Variants in CNTN5 observed in about 807,000 individuals in gnomAD.
CNTN5 encodes the protein contactin 5.
CNTN5 carries 77 observed loss-of-function variants against 129.1 expected under a neutral mutation model. The observed-to-expected ratio is 0.60, with a 90% CI of 0.50 to 0.72. CNTN5 has a LOEUF of 0.72. Among genes scored for constraint, CNTN5 ranks in the 30% least tolerant of loss-of-function variants. The pLI is 0.00. For missense variants in CNTN5, 1,478 were observed against 1,328.8 expected (o/e 1.11, Z -1.75); for synonymous variants, 509 against 465.6 (o/e 1.09, Z -1.20).
At chr11:99,053,435 G>A (rs752517132) in intron 1 of CNTN5, among the ~76,000 whole-genome samples, 2 of 151,758 alleles carry the variant, frequency 1.3e-5, no homozygotes, top group Non-Finnish European at 2.9e-5. Flanking sequence ...TTCTTATTCT[G>A]TCTTTTCAAT....
chr11:99,633,007 C>T (rs1373013682), intron 3 of CNTN5, among the ~76,000 whole-genome samples: 1 of 151,714 alleles, frequency 6.6e-6, no homozygotes, highest in African/African-American at 2.4e-5. Context: ...AAAGATACAC[C>T]CTCTCCCTAA....
At chr11:99,342,762 T>G (rs1866580833) in intron 2 of CNTN5, among the ~76,000 whole-genome samples, 1 of 151,246 alleles carries the variant, frequency 6.6e-6, no homozygotes, top group African/African-American at 2.4e-5. Context: ...AGAAAGCAGA[T>G]GGATATTAGT....
At chr11:99,994,374 G>C (rs1177047402) in intron 8 of CNTN5, among the ~76,000 whole-genome samples, 1 of 151,888 alleles carries the variant, frequency 6.6e-6, no homozygotes, top group Non-Finnish European at 1.5e-5. Flanking sequence ...TATAAAAGTG[G>C]GTTCTACAAA....
intron 20 of CNTN5, among the ~76,000 whole-genome samples, chr11:100,304,133 C>T (rs115485129): frequency 0.01 from 1,535 of 151,666 alleles, 23 homozygotes; most frequent in African/African-American, 0.035. Context: ...TTCATGAACA[C>T]GGTAATGCTG....
chr11:100,243,844 C>T (rs1269420495), intron 16 of CNTN5, among the ~76,000 whole-genome samples: 1 of 152,106 alleles, frequency 6.6e-6, no homozygotes, highest in East Asian at 1.9e-4. Flanking sequence ...TCCAAATTAG[C>T]ATCTTCTCAC....
intron 1 of CNTN5, among the ~76,000 whole-genome samples, chr11:99,280,758 C>T (rs1318663187): frequency 9.9e-5 from 15 of 151,728 alleles, no homozygotes; most frequent in Non-Finnish European, 1.5e-5. Flanking sequence ...GTTGCAAGTA[C>T]ATAATCTAAA....
At position 99,658,796 on chromosome 11, in the gene CNTN5, G is replaced by A. The variant is rs145400771; in HGVS notation, c.55+102527G>A. On this transcript the variant is annotated intron_variant, in intron 3 of 24. Coordinates refer to ENST00000524871, the MANE Select transcript of CNTN5 (RefSeq NM_014361.4). The stretch of plus-strand genomic sequence containing the variant: ...CCAGCTACTAGGGAGGCTGAGGCAG[G>A]AGAATTGCTTGAACCCAGGAGGTGG... Among the ~76,000 whole-genome samples, 1,555 of 148,182 alleles carry A rather than the reference G, an allele frequency of 0.01. 76 individuals are homozygous for A. The East Asian group carries it at 0.17, about 16-fold the overall frequency.
rs111429239 is a variant in CNTN5 at position 99,454,672 on chromosome 11, T to C, written c.-70-101473T>C. Among the ~76,000 whole-genome samples, 181 of 152,272 alleles carry C rather than the reference T, an allele frequency of 1.2e-3. 1 individual carries two copies. The highest frequency in any genetic ancestry group is 4.2e-3 in the African/African-American group (173 of 41,560). ...AATTAAACCTCTTTCCTTTATAAAT[T>C]ACCCAGTCCCAGACAATTCTTTATA... On this transcript the variant is annotated intron_variant, in intron 2 of 24. Coordinates refer to ENST00000524871, the MANE Select transcript of CNTN5 (RefSeq NM_014361.4).
At chr11:99,821,719 C>T (rs759138965) in intron 4 of CNTN5, among the ~76,000 whole-genome samples, 1 of 151,984 alleles carries the variant, frequency 6.6e-6, no homozygotes, top group African/African-American at 2.4e-5. Flanking sequence ...CAGATAAAAC[C>T]CTCATTAAAA....
intron 4 of CNTN5, among the ~76,000 whole-genome samples, chr11:99,825,590 G>A (rs934657831): frequency 3.3e-5 from 5 of 151,966 alleles, no homozygotes; most frequent in Non-Finnish European, 7.4e-5. Flanking sequence ...ATATCACTGT[G>A]ACAAACTATC....
chr11:100,201,267 A>T (rs995341348), intron 15 of CNTN5, among the ~76,000 whole-genome samples: 2 of 151,972 alleles, frequency 1.3e-5, no homozygotes, highest in African/African-American at 4.8e-5. Flanking sequence ...CTGTAATTGT[A>T]CATTGAAGAG....
At chr11:100,270,802 G>A (rs1950393775) in intron 17 of CNTN5, among the ~76,000 whole-genome samples, 1 of 152,190 alleles carries the variant, frequency 6.6e-6, no homozygotes, top group African/African-American at 2.4e-5. Flanking sequence ...CCTTATCTGG[G>A]GCTGAGGGAT....
At chr11:99,770,729 A>G (rs541464286) in intron 3 of CNTN5, among the ~76,000 whole-genome samples, 10 of 152,054 alleles carry the variant, frequency 6.6e-5, no homozygotes, top group Non-Finnish European at 1.5e-4. Flanking sequence ...TTGTTTTCTT[A>G]CTATCCAAAG....
chr11:99,749,167 A>G (rs1944153541), intron 3 of CNTN5, among the ~76,000 whole-genome samples: 2 of 152,192 alleles, frequency 1.3e-5, no homozygotes, highest in Non-Finnish European at 2.9e-5. Flanking sequence ...AGTGTATACA[A>G]ACTTTGTTTC....
chr11:99,906,405 G>C (rs537912702), intron 6 of CNTN5, among the ~76,000 whole-genome samples: 2 of 152,100 alleles, frequency 1.3e-5, no homozygotes, highest in African/African-American at 4.8e-5. Context: ...TAATCATGTG[G>C]TTTTTGTCAC....
intron 3 of CNTN5, among the ~76,000 whole-genome samples, chr11:99,721,958 T>C (rs1051157675): frequency 3.9e-5 from 6 of 152,314 alleles, no homozygotes; most frequent in Admixed American, 2.0e-4. Context: ...CCTGTCAGAA[T>C]GGCTATTCTT....
intron 1 of CNTN5, among the ~76,000 whole-genome samples, chr11:99,241,277 C>T (rs538303286): frequency 2.8e-5 from 4 of 141,438 alleles, no homozygotes; most frequent in Non-Finnish European, 6.1e-5. Flanking sequence ...TAACAAATGA[C>T]TTGGCATTTT....
chr11:99,753,660 A>C lies in CNTN5; in HGVS notation c.56-65884A>C, dbSNP rs554633727. ...TGTCCAAATTTTTACTGAAAAAAAAAAAAAAAAAACAGGTAAAAAGAAATC... is the reference window on the plus strand; with the variant it reads ...TGTCCAAATTTTTACTGAAAAAAAACAAAAAAAAACAGGTAAAAAGAAATC... On this transcript the variant is annotated intron_variant, in intron 3 of 24. Coordinates refer to ENST00000524871, the MANE Select transcript of CNTN5 (RefSeq NM_014361.4). Among the ~76,000 whole-genome samples the C allele has an allele frequency of 1.1e-3, 166 of 146,944 alleles. 1 individual carries two copies. The highest frequency in any genetic ancestry group is 3.7e-3 in the African/African-American group (148 of 40,076).
intron 2 of CNTN5, among the ~76,000 whole-genome samples, chr11:99,517,494 T>A (rs1202828812): frequency 1.3e-5 from 2 of 152,122 alleles, no homozygotes; most frequent in Non-Finnish European, 2.9e-5. Context: ...TCCCTGCTCA[T>A]CACTTAAGGT....
Sources: gnomAD v4.1 joint callset for allele counts (sites outside exome capture counted in the v4.1 genomes callset) on GRCh38, gnomAD v4.1.1 for gene constraint, MANE v1.5 for transcripts, NCBI Gene and HGNC (gene_info 2026-07-23, HGNC 2026-07-21) for gene names.